ABCA4: variants seen among roughly 807,000 people sequenced by gnomAD.
ABCA4 encodes retinal-specific phospholipid-transporting ATPase ABCA4.
A neutral mutation model predicts 263.7 loss-of-function variants in ABCA4; 196 were observed. The observed-to-expected ratio is 0.74, with a 90% CI of 0.66 to 0.84. ABCA4 has a LOEUF of 0.84. Among genes scored for constraint, ABCA4 ranks in the 40% least tolerant of loss-of-function variants. ABCA4 has a pLI of 0.00. For missense variants in ABCA4, 2,792 were observed against 2,855.1 expected, an observed-to-expected ratio of 0.98 and a Z score of 0.50; for synonymous variants, 1,133 against 1,094.2, an observed-to-expected ratio of 1.04 and a Z score of -0.70.
At chr1:93,995,107 C>CCTTTA (rs10628697) in intron 49 of ABCA4, among the ~76,000 whole-genome samples, 9,563 of 152,134 alleles carry the variant, frequency 0.063, 1,013 homozygotes, top group African/African-American at 0.22. Context: ...ACTAAAGGAG[C>CCTTTA]CTTAGGCATT....
intron 36 of ABCA4, among the ~76,000 whole-genome samples, chr1:94,016,459 G>A (rs143715636): frequency 1.4e-3 from 217 of 152,268 alleles, no homozygotes; most frequent in Non-Finnish European, 2.5e-3. Context: ...AGAGCAGAAC[G>A]AGGAGGACCT....
At chr1:94,083,462 AT>A (rs1661755656) in intron 6 of ABCA4, 21 bp from the exon 7 acceptor site, 3 of 1,570,606 alleles carry the variant, frequency 1.9e-6, no homozygotes, top group East Asian at 2.2e-5. Flanking sequence ...CAGTAAAACA[AT>A]TTTTTAAATA....
At chr1:94,033,138 A>G (rs1308391057) in intron 26 of ABCA4, among the ~76,000 whole-genome samples, 1 of 152,146 alleles carries the variant, frequency 6.6e-6, no homozygotes, top group African/African-American at 2.4e-5. Context: ...TATCTGTAAA[A>G]TGAAGGCATG....
At chr1:94,071,631 T>G (rs1314944526) in intron 11 of ABCA4, among the ~76,000 whole-genome samples, 1 of 152,262 alleles carries the variant, frequency 6.6e-6, no homozygotes, top group Non-Finnish European at 1.5e-5. Context: ...GAGTATTGCA[T>G]GAGATGACAT....
chr1:94,116,970 CT>C (rs1466015867), intron 1 of ABCA4, among the ~76,000 whole-genome samples: 9 of 66,664 alleles, frequency 1.4e-4, no homozygotes, highest in Non-Finnish European at 2.5e-4. Flanking sequence ...CTTTCTTTCT[CT>C]TTCTTTCTTT....
At chr1:94,059,856 A>C (rs1661071772) in intron 14 of ABCA4, among the ~76,000 whole-genome samples, 1 of 152,228 alleles carries the variant, frequency 6.6e-6, no homozygotes. Flanking sequence ...AGCGCATTGC[A>C]AAATAATGTT....
At position 94,078,663 on chromosome 1, in the gene ABCA4, A is replaced by G. The variant is rs762811617; in HGVS notation, c.1283T>C (p.Val428Ala). Reference protein sequence around the residue: ...FEELEHVRKLVKAWEEVGPQI... With the variant: ...FEELEHVRKLAKAWEEVGPQI... ...GGGCCCTACTTCTTCCCAGGCTTTG[A>G]CCAACTTCCTAACGTGTTCCAGTTC... Residue 428 changes from valine to alanine, a missense_variant, in exon 10 of 50, where the codon GTC (valine) becomes GCC (alanine). Val to Ala is a moderately conservative substitution (Grantham distance 64). Transcript: ENST00000370225. 2 of 1,575,332 alleles carry G rather than the reference A, an allele frequency of 1.3e-6. No individual in the cohort carries two copies. Among genetic ancestry groups the G allele is most frequent in the South Asian group, 2.2e-5 (2 of 90,612 alleles).
At chr1:93,993,385 A>G (rs1389776433) in intron 49 of ABCA4, 143 bp from the exon 50 acceptor site, 1 of 1,013,024 alleles carries the variant, frequency 9.9e-7, no homozygotes, top group Non-Finnish European at 1.5e-6. Context: ...CAGATCACCC[A>G]GGTTATGGGC....
At position 94,008,212 on chromosome 1, in the gene ABCA4, C is replaced by T. The variant is rs536252291; in HGVS notation, c.5898+23G>A. 1.9e-6 allele frequency: 3 copies of T among 1,613,230 alleles called. No homozygotes were observed. In the South Asian group the frequency reaches 3.3e-5, roughly 18 times the overall value. The stretch of plus-strand genomic sequence containing the variant: ...AGAGCTGATGTTCGGAAGCCTTTCA[C>T]ACGTGGTCTGCAGAGTACCCACCTC... On this transcript the variant is annotated intron_variant, in intron 42 of 49. Coordinates refer to ENST00000370225, the MANE Select transcript of ABCA4 (RefSeq NM_000350.3).
intron 5 of ABCA4, among the ~76,000 whole-genome samples, chr1:94,102,475 C>G (rs565134662): frequency 1.3e-5 from 2 of 151,992 alleles, no homozygotes; most frequent in Admixed American, 6.6e-5. Context: ...TCAGGAAGGC[C>G]TTCCTGAGCA....
At chr1:94,102,764 G>A (rs758063698) in intron 5 of ABCA4, among the ~76,000 whole-genome samples, 19 of 152,118 alleles carry the variant, frequency 1.2e-4, no homozygotes, top group Non-Finnish European at 2.2e-4. Context: ...TGATCTCTAA[G>A]GTTCCTTCCA....
chr1:94,105,738 C>T (rs1230590028), intron 4 of ABCA4, among the ~76,000 whole-genome samples: 4 of 151,918 alleles, frequency 2.6e-5, no homozygotes, highest in African/African-American at 4.8e-5. Context: ...GAGCTTGCTT[C>T]GAGGGAGAGG....
At chr1:94,083,532 A>T in intron 6 of ABCA4, 91 bp from the exon 7 acceptor site, 1 of 889,786 alleles carries the variant, frequency 1.1e-6, no homozygotes, top group Non-Finnish European at 1.8e-6. Context: ...ATATGTTTGA[A>T]AACTCCCCCC....
chr1:94,016,090 A>G (rs1305210912), intron 36 of ABCA4, among the ~76,000 whole-genome samples: 2 of 152,156 alleles, frequency 1.3e-5, no homozygotes, highest in Admixed American at 1.3e-4. Context: ...TTTTGAAAGG[A>G]TCAATTACAA....
chr1:94,055,849 G>A (rs890373116), intron 15 of ABCA4, among the ~76,000 whole-genome samples: 1 of 152,218 alleles, frequency 6.6e-6, no homozygotes, highest in African/African-American at 2.4e-5. Context: ...CAGACTTTCT[G>A]TCTTTTCCCA....
At chr1:94,002,485 T>A (rs1659219799) in intron 44 of ABCA4, among the ~76,000 whole-genome samples, 3 of 152,200 alleles carry the variant, frequency 2.0e-5, no homozygotes, top group Admixed American at 2.0e-4. Context: ...ATTGCTGCTA[T>A]CCTCAGACTG....
intron 1 of ABCA4, among the ~76,000 whole-genome samples, chr1:94,120,023 C>T (rs893454007): frequency 6.6e-6 from 1 of 152,118 alleles, no homozygotes; most frequent in Non-Finnish European, 1.5e-5. Flanking sequence ...CTCCTTTAGT[C>T]ATCGGCATTT....
At chr1:94,097,266 C>T (rs561282950) in intron 6 of ABCA4, among the ~76,000 whole-genome samples, 16 of 152,284 alleles carry the variant, frequency 1.1e-4, no homozygotes, top group African/African-American at 2.9e-4. Context: ...CTGGGAAAAT[C>T]GTAGAGTAAC....
intron 13 of ABCA4, among the ~76,000 whole-genome samples, chr1:94,061,764 A>G (rs1661135455): frequency 6.6e-6 from 1 of 152,294 alleles, no homozygotes; most frequent in African/African-American, 2.4e-5. Flanking sequence ...AACCCAAACT[A>G]ACTGCAGACT....
Sources: allele counts gnomAD v4.1 joint callset (sites outside exome capture counted in the v4.1 genomes callset), GRCh38; gene constraint gnomAD v4.1.1; transcripts MANE v1.5; gene names NCBI Gene and HGNC (gene_info 2026-07-23, HGNC 2026-07-21).